Variants in RAPH1 observed in about 807,000 individuals in gnomAD.
The protein encoded by RAPH1 is ras-associated and pleckstrin homology domains-containing protein 1.
In RAPH1, 18 loss-of-function variants were observed where a neutral mutation model predicts 88.1. That is an observed-to-expected ratio of 0.20 (90% CI 0.14 to 0.30). RAPH1 has a LOEUF of 0.30. RAPH1 is among the 10% of genes least tolerant of loss of function. The pLI, the probability that RAPH1 is intolerant of heterozygous loss-of-function variation, is 1.00. For missense variants in RAPH1, 1,448 were observed against 1,543.2 expected, an observed-to-expected ratio of 0.94 and a Z score of 1.03; for synonymous variants, 587 against 559.0, an observed-to-expected ratio of 1.05 and a Z score of -0.71.
chr2:203,512,619 A>G (rs962508157), intron 1 of RAPH1, among the ~76,000 whole-genome samples: 1 of 132,216 alleles, frequency 7.6e-6, no homozygotes, highest in Admixed American at 7.5e-5. Context: ...AACATCCCTT[A>G]CCTTTTTTTT....
chr2:203,533,942 T>C (rs760620204), intron 1 of RAPH1, among the ~76,000 whole-genome samples: 2 of 152,202 alleles, frequency 1.3e-5, no homozygotes, highest in African/African-American at 4.8e-5. Context: ...CCAACTCACA[T>C]TGCAAGCCAA....
chr2:203,481,568 AATATAT>A (rs60650703), intron 4 of RAPH1, among the ~76,000 whole-genome samples: 4,119 of 138,012 alleles, frequency 0.03, 241 homozygotes, highest in African/African-American at 0.1. Context: ...TAAATAGATG[AATATAT>A]ATATATATAT....
intron 1 of RAPH1, among the ~76,000 whole-genome samples, chr2:203,512,802 T>G (rs1349615795): frequency 6.6e-6 from 1 of 151,946 alleles, no homozygotes; most frequent in Non-Finnish European, 1.5e-5. Context: ...TTTTTGTTAT[T>G]TTTTAGTAGA....
chr2:203,460,803 G>A (rs2098523622), intron 6 of RAPH1, among the ~76,000 whole-genome samples: 1 of 152,042 alleles, frequency 6.6e-6, no homozygotes, highest in South Asian at 2.1e-4. Flanking sequence ...AATTATGAAA[G>A]GTAATTTTAT....
Position 203,438,561 on chromosome 2 carries a change from A to G in RAPH1, c.*876T>C, listed in dbSNP as rs893630949. On this transcript the variant is annotated 3_prime_UTR_variant, in exon 14 of 14. Coordinates refer to ENST00000319170, the MANE Select transcript of RAPH1 (RefSeq NM_213589.3). ...GTTATCCATCCTCTTAAAATCAATC[A>G]AAGTGAGGATCATGAAGCCAAGTTG... The G allele has an allele frequency of 5.8e-6, 1 of 172,664 alleles. No individual in the cohort carries two copies. The highest frequency in any genetic ancestry group is 2.4e-5 in the African/African-American group (1 of 41,724). The allele number at this position is 172,664 out of a possible 1,614,324, so 10.7% of individuals were successfully genotyped here.
rs899227869 is a variant in RAPH1, at chr2:203,487,378, GT to G, written c.732+2205del. ...CCCAGGTATCACAAAATAGAAATCA[GT>G]TTTTTTTTTCCTTTTTTTTTTGTAG... On this transcript the variant is annotated intron_variant, in intron 4 of 13. Transcript: ENST00000319170. 9.4e-4 allele frequency among the ~76,000 whole-genome samples: 140 copies of G among 148,874 alleles called. 1 individual carries two copies. Among genetic ancestry groups the G allele is most frequent in the Admixed American group, 1.6e-3 (24 of 14,886 alleles).
intron 2 of RAPH1, among the ~76,000 whole-genome samples, chr2:203,494,815 A>AG (rs1292816183): frequency 6.6e-6 from 1 of 151,520 alleles, no homozygotes; most frequent in Non-Finnish European, 1.5e-5. Context: ...GTCTCAAAAA[A>AG]AAAAAAAAGA....
intron 10 of RAPH1, among the ~76,000 whole-genome samples, chr2:203,452,744 T>C (rs1396018775): frequency 6.6e-6 from 1 of 152,178 alleles, no homozygotes; most frequent in African/African-American, 2.4e-5. Flanking sequence ...GGCGGATCAC[T>C]TGAGGCCAGT....
intron 4 of RAPH1, among the ~76,000 whole-genome samples, chr2:203,481,646 C>A (rs1687728746): frequency 6.8e-6 from 1 of 147,524 alleles, no homozygotes; most frequent in African/African-American, 2.5e-5. Flanking sequence ...GGATGGAGTA[C>A]AGTGGCATGA....
intron 1 of RAPH1, among the ~76,000 whole-genome samples, chr2:203,511,271 A>T (rs1031561017): frequency 7.5e-5 from 11 of 146,632 alleles, no homozygotes; most frequent in African/African-American, 1.8e-4. Context: ...CATTTCTTTA[A>T]AAAAAAAAAA....
At chr2:203,443,063 C>G (rs538415960) in intron 13 of RAPH1, 2 of 152,240 alleles carry the variant, frequency 1.3e-5, no homozygotes, top group African/African-American at 2.4e-5. Flanking sequence ...GAATTTAGAT[C>G]GTTAGAACCA....
At position 203,444,065 on chromosome 2, in the gene RAPH1, G is replaced by A. The variant is rs538549086; in HGVS notation, c.1776+803C>T. ...GGGAAGGAAGGGAGAGAAGGAAGGG[G>A]AGGGAGGGAGGGAAGTGAGGGGAGG... On this transcript the variant is annotated intron_variant, in intron 13 of 13. Coordinates refer to ENST00000319170, the MANE Select transcript of RAPH1 (RefSeq NM_213589.3). 2.7e-4 allele frequency: 37 copies of A among 134,886 alleles called. 1 individual carries two copies. The highest frequency in any genetic ancestry group is 9.8e-4 in the African/African-American group (35 of 35,648). The allele number at this position is 134,886 out of a possible 1,614,324, so 8.4% of individuals were successfully genotyped here. A position where few individuals can be genotyped will look rare whatever the true frequency, so the allele number is the denominator to read the frequency against.
chr2:203,533,543 A>C (rs1690480429), intron 1 of RAPH1: 1 of 151,828 alleles, frequency 6.6e-6, no homozygotes, highest in African/African-American at 2.4e-5. Context: ...CACCATGTGA[A>C]ATGTCCTCCT....
At position 203,471,802 on chromosome 2, in the gene RAPH1, T is replaced by C. The variant is rs2098533329; in HGVS notation, c.733-9877A>G. On this transcript the variant is annotated intron_variant, in intron 4 of 13. Transcript: ENST00000319170. ...TAAACTTTATAAGCATAAATGCCCC[T>C]CTCACCCATTCTTTAAAAAAAAAAA... Among the ~76,000 whole-genome samples the C allele has an allele frequency of 3.9e-5, 4 of 102,596 alleles. No homozygotes were observed. In the East Asian group the frequency reaches 8.7e-4, roughly 22 times the overall value. The allele number at this position is 102,596 out of a possible 152,430, so 67.3% of individuals were successfully genotyped here.
At chr2:203,475,941 T>C (rs1687416290) in intron 4 of RAPH1, among the ~76,000 whole-genome samples, 1 of 152,092 alleles carries the variant, frequency 6.6e-6, no homozygotes, top group African/African-American at 2.4e-5. Context: ...TGTTGGGGCA[T>C]TACATTCATA....
intron 4 of RAPH1, among the ~76,000 whole-genome samples, chr2:203,478,712 C>T (rs991276793): frequency 1.3e-5 from 2 of 152,150 alleles, no homozygotes; most frequent in Non-Finnish European, 2.9e-5. Context: ...TGGCCTTGAA[C>T]TCCTGACCTC....
At chr2:203,520,181 A>C (rs908429208) in intron 1 of RAPH1, among the ~76,000 whole-genome samples, 69 of 152,008 alleles carry the variant, frequency 4.5e-4, no homozygotes, top group African/African-American at 1.3e-3. Context: ...AAAAAAAAAT[A>C]ATTACCCAGG....
At chr2:203,512,032 G>C (rs1689361263) in intron 1 of RAPH1, among the ~76,000 whole-genome samples, 1 of 152,020 alleles carries the variant, frequency 6.6e-6, no homozygotes, top group Admixed American at 6.6e-5. Flanking sequence ...AGAATCGCTT[G>C]AACTCAGGAG....
chr2:203,441,084 C>A lies in RAPH1; in HGVS notation c.2106G>T (p.Leu702=). ...GTGGAACAACTCCATTGGGGGGTAC[C>A]AGGATCTGAGGCTTCACTGACTGTG... ...MQSQSVKPQI[L]VPPNGVVPPP... is the part of the protein sequence containing the mutation. Residue 702 remains leucine (L), a synonymous_variant, in exon 14 of 14, where the codon CTG becomes CTT. Coordinates refer to ENST00000319170, the MANE Select transcript of RAPH1 (RefSeq NM_213589.3). 1.3e-6 allele frequency: 2 copies of A among 1,594,060 alleles called. No homozygotes were observed. Among genetic ancestry groups the A allele is most frequent in the Non-Finnish European group, 1.7e-6 (2 of 1,167,172 alleles).
Sources: allele counts gnomAD v4.1 joint callset (sites outside exome capture counted in the v4.1 genomes callset), GRCh38; gene constraint gnomAD v4.1.1; transcripts MANE v1.5; gene names NCBI Gene and HGNC (gene_info 2026-07-23, HGNC 2026-07-21).